The following MX1 variants were observed in gnomAD, a reference collection of about 807,000 sequenced individuals.
MX1 encodes interferon-induced GTP-binding protein Mx1.
In MX1, 66 loss-of-function variants were observed where a neutral mutation model predicts 66.4. That is an observed-to-expected ratio of 0.99 (90% CI 0.82 to 1.22). The LOEUF (loss-of-function observed/expected upper bound fraction) is 1.22. MX1 is among the 50% of genes most tolerant of loss of function. The probability of loss-of-function intolerance (pLI) is 0.00; values close to 1 mark genes in which losing one functional copy is unlikely to be tolerated. For synonymous variants in MX1, 311 were observed against 318.1 expected (o/e 0.98, Z 0.24); for missense variants, 787 against 834.3 (o/e 0.94, Z 0.70).
intron 6 of MX1, among the ~76,000 whole-genome samples, chr21:41,436,463 G>C (rs919122682): frequency 1.3e-5 from 2 of 152,186 alleles, no homozygotes; most frequent in African/African-American, 4.8e-5. Flanking sequence ...GTAATCTACA[G>C]TTTGAGGAGA....
intron 10 of MX1, 199 bp from the exon 11 acceptor site, chr21:41,443,589 G>T (rs1023064621): frequency 1.7e-6 from 1 of 599,580 alleles, no homozygotes; most frequent in African/African-American, 1.9e-5. Context: ...CCATATCATT[G>T]TGGAAATATC....
Position 41,458,760 on chromosome 21 carries a change from C to G in MX1, c.*2C>G. ...CGGCTTGCCCAGTTCCCCGGTTAACCACACTCTGTCCAGCCCCGTAGACGT... is the reference window on the plus strand; with the variant it reads ...CGGCTTGCCCAGTTCCCCGGTTAACGACACTCTGTCCAGCCCCGTAGACGT... On this transcript the variant is annotated 3_prime_UTR_variant, in exon 17 of 17. Coordinates refer to ENST00000398598, the MANE Select transcript of MX1 (RefSeq NM_002462.5). The G allele has an allele frequency of 6.2e-7, 1 of 1,610,776 alleles. No individual in the cohort carries two copies. The highest frequency in any genetic ancestry group is 8.5e-7 in the Non-Finnish European group (1 of 1,179,718).
rs2090867607 is a variant in MX1 at position 41,452,802 on chromosome 21, T to C, written c.1691T>C (p.Phe564Ser). 1 of 1,614,008 alleles carries C rather than the reference T, an allele frequency of 6.2e-7. No homozygotes were observed. The highest frequency in any genetic ancestry group is 1.1e-5 in the South Asian group (1 of 91,084). ...AAGAAATCCTGGGATTTTGGGGCTTTCCAGTCCAGCTCGGCAACAGACTCT... is the reference window on the plus strand; with the variant it reads ...AAGAAATCCTGGGATTTTGGGGCTTCCCAGTCCAGCTCGGCAACAGACTCT... Reference protein sequence around the residue: ...KKKKSWDFGAFQSSSATDSSM... With the variant: ...KKKKSWDFGASQSSSATDSSM... Residue 564 changes from phenylalanine to serine, a missense_variant, in exon 16 of 17, where the codon TTC (phenylalanine) becomes TCC (serine). Phe to Ser is a radical substitution (Grantham distance 155). Coordinates refer to ENST00000398598, the MANE Select transcript of MX1 (RefSeq NM_002462.5).
At chr21:41,451,679 C>CA (rs34782817) in intron 15 of MX1, among the ~76,000 whole-genome samples, 24,380 of 151,398 alleles carry the variant, frequency 0.16, 2,158 homozygotes, top group East Asian at 0.27. Context: ...ACTAAAAATA[C>CA]AAAAAAGTAG....
intron 14 of MX1, 40 bp from the exon 15 acceptor site, chr21:41,451,127 G>T: frequency 7.3e-7 from 1 of 1,365,126 alleles, no homozygotes; most frequent in East Asian, 2.3e-5. Context: ...GAGAACAAAT[G>T]ATCCTACCAA....
At chr21:41,458,380 G>A in intron 16 of MX1, 148 bp from the exon 17 acceptor site, 1 of 849,168 alleles carries the variant, frequency 1.2e-6, no homozygotes, top group Non-Finnish European at 1.8e-6. Context: ...GGAGGAGATT[G>A]ATGGGTTTGA....
rs1260376391 is a variant in MX1 at position 41,445,477 on chromosome 21, C to G, written c.1038C>G (p.Ile346Met). The G allele has an allele frequency of 1.2e-6, 2 of 1,614,050 alleles. No homozygotes were observed. Among genetic ancestry groups the G allele is most frequent in the African/African-American group, 1.3e-5 (1 of 75,026 alleles). Reference sequence around the variant, plus strand: ...CTCTGCCCCTGTTAGAAAATCAAATCAAGGAGACTCACCAGAGAATAACAG... The same window carrying G: ...CTCTGCCCCTGTTAGAAAATCAAATGAAGGAGACTCACCAGAGAATAACAG... ...CKSLPLLENQ[I>M]KETHQRITEE... The change falls in exon 12 of 17, where the codon ATC (isoleucine) becomes ATG (methionine). Residue 346 changes from isoleucine (I) to methionine (M), a missense_variant. Physicochemically the swap from Ile to Met is conservative, Grantham distance 10. Coordinates refer to ENST00000398598, the MANE Select transcript of MX1 (RefSeq NM_002462.5).
At chr21:41,423,744 A>G (rs968508057), upstream of MX1, among the ~76,000 whole-genome samples, 10 of 152,092 alleles carry the variant, frequency 6.6e-5, no homozygotes, top group African/African-American at 1.7e-4. Context: ...ACAACCACCT[A>G]TACTCCCCAA....
intron 14 of MX1, chr21:41,449,784 TGTG>T (rs2090773770): frequency 6.6e-6 from 1 of 152,414 alleles, no homozygotes; most frequent in Non-Finnish European, 1.5e-5. Context: ...GGCACAGAGA[TGTG>T]GTCATCAACC....
chr21:41,439,950 C>A, intron 8 of MX1, 102 bp downstream of exon 8: 1 of 1,293,364 alleles, frequency 7.7e-7, no homozygotes, highest in Non-Finnish European at 1.1e-6. Flanking sequence ...ACCGTGAGTC[C>A]AGAGCTGAGT....
intron 16 of MX1, among the ~76,000 whole-genome samples, chr21:41,453,275 A>G (rs969102004): frequency 6.6e-6 from 1 of 152,212 alleles, no homozygotes; most frequent in African/African-American, 2.4e-5. Context: ...TGATTCAGTT[A>G]TCTCCCCCTG....
Position 41,458,783 on chromosome 21 carries a change from C to A in MX1, c.*25C>A. 6.3e-7 allele frequency: 1 copy of A among 1,599,472 alleles called. No homozygotes were observed. Among genetic ancestry groups the A allele is most frequent in the Non-Finnish European group, 8.5e-7 (1 of 1,175,034 alleles). ...ACCACACTCTGTCCAGCCCCGTAGA[C>A]GTGCACGCACACTGTCTGCCCCCGT... On this transcript the variant is annotated 3_prime_UTR_variant, in exon 17 of 17. Coordinates refer to ENST00000398598, the MANE Select transcript of MX1 (RefSeq NM_002462.5).
At chr21:41,445,872 T>C in intron 12 of MX1, 128 bp from the exon 13 acceptor site, 2 of 1,204,652 alleles carry the variant, frequency 1.7e-6, no homozygotes, top group Non-Finnish European at 2.3e-6. Context: ...TTCTTTCCCC[T>C]GATCCACAGT....
At chr21:41,452,250 T>A (rs1321677720) in intron 15 of MX1, among the ~76,000 whole-genome samples, 1 of 152,226 alleles carries the variant, frequency 6.6e-6, no homozygotes, top group Non-Finnish European at 1.5e-5. Context: ...GACTTAAACA[T>A]GGCTTTCCTG....
chr21:41,437,516 C>T (rs2090398488), intron 7 of MX1, among the ~76,000 whole-genome samples: 1 of 152,010 alleles, frequency 6.6e-6, no homozygotes, highest in South Asian at 2.1e-4. Context: ...TGGCATGCAC[C>T]TGTGGTCCCA....
chr21:41,449,015 G>T, intron 13 of MX1, 122 bp from the exon 14 acceptor site: 20 of 699,718 alleles, frequency 2.9e-5, no homozygotes, highest in East Asian at 7.1e-5. Context: ...AGTTAGATTT[G>T]ATTTGATACC....
At chr21:41,451,442 G>T (rs980407695) in intron 15 of MX1, among the ~76,000 whole-genome samples, 199 bp downstream of exon 15, 19 of 152,264 alleles carry the variant, frequency 1.2e-4, no homozygotes, top group East Asian at 3.9e-4. Flanking sequence ...GTGCTTAAAC[G>T]CACAGAACAA....
intron 4 of MX1, chr21:41,431,760 C>T: frequency 3.4e-6 from 1 of 292,138 alleles, no homozygotes; most frequent in South Asian, 3.7e-5. Flanking sequence ...AGGCGTGAGC[C>T]CCGGGGCCCG....
At chr21:41,436,843 G>T (rs987266289) in intron 6 of MX1, among the ~76,000 whole-genome samples, 172 bp from the exon 7 acceptor site, 1 of 152,174 alleles carries the variant, frequency 6.6e-6, no homozygotes, top group Non-Finnish European at 1.5e-5. Context: ...TGTTCTTGAG[G>T]TCACCCAGAC....
Sources: gnomAD v4.1 joint callset for allele counts (sites outside exome capture counted in the v4.1 genomes callset) on GRCh38, gnomAD v4.1.1 for gene constraint, MANE v1.5 for transcripts, NCBI Gene and HGNC (gene_info 2026-07-23, HGNC 2026-07-21) for gene names.